Variants in TCF20 observed in about 807,000 individuals in gnomAD.
TCF20 encodes SPRE-binding protein.
TCF20 carries 3 observed loss-of-function variants against 148.6 expected under a neutral mutation model. The observed-to-expected ratio is 0.02, with a 90% CI of 0.01 to 0.05. The LOEUF (loss-of-function observed/expected upper bound fraction) is 0.05, where lower values mean the gene tolerates loss of function less well. Ranked by LOEUF, TCF20 falls within the 10% of genes least tolerant of loss-of-function variation. TCF20 has a pLI of 1.00. For missense variants in TCF20, 2,350 were observed against 2,429.3 expected, an observed-to-expected ratio of 0.97 and a Z score of 0.69; for synonymous variants, 1,049 against 909.5, an observed-to-expected ratio of 1.15 and a Z score of -2.76.
At chr22:42,270,176 C>G (rs1926525614) in intron 1 of TCF20, among the ~76,000 whole-genome samples, 163 bp downstream of exon 1, 1 of 151,944 alleles carries the variant, frequency 6.6e-6, no homozygotes, top group Admixed American at 6.5e-5. Context: ...CAACACTCCC[C>G]TCAGCACCCC....
At position 42,211,448 on chromosome 22, in the gene TCF20, G is replaced by A. The variant is rs372698285; in HGVS notation, c.3858C>T (p.His1286=). 1.2e-6 allele frequency: 2 copies of A among 1,614,066 alleles called. No homozygotes were observed. The highest frequency in any genetic ancestry group is 1.7e-6 in the Non-Finnish European group (2 of 1,180,044). The change falls in exon 2 of 6, where the codon CAC becomes CAT. Residue 1286 remains histidine (H), a synonymous_variant. Transcript: ENST00000677622. The stretch of plus-strand genomic sequence containing the variant: ...CTTTATCAGCGCCTTCTTTTGATGA[G>A]TGAAGGAGGCGACCTTTATCTTCAG... ...SSTEDKGRLL[H]SSKEGADKAF...
rs1035141026 is a variant in TCF20, at chr22:42,208,655, G to A, written c.5655+996C>T. On this transcript the variant is annotated intron_variant, in intron 2 of 5. Coordinates refer to ENST00000677622, the MANE Select transcript of TCF20 (RefSeq NM_001378418.1). ...ACAAAAAAGATTAGATGATAAAGCTGAAGAAAGCATAGAGAAATCAGAACA... is the reference window on the plus strand; with the variant it reads ...ACAAAAAAGATTAGATGATAAAGCTAAAGAAAGCATAGAGAAATCAGAACA... Among the ~76,000 whole-genome samples the A allele has an allele frequency of 2.0e-5, 3 of 152,010 alleles. No individual in the cohort carries two copies. The East Asian group carries it at 5.8e-4, about 29-fold the overall frequency.
intron 1 of TCF20, among the ~76,000 whole-genome samples, chr22:42,224,837 T>G (rs995930989): frequency 1.3e-5 from 2 of 152,104 alleles, no homozygotes; most frequent in Non-Finnish European, 2.9e-5. Flanking sequence ...ACCTGTGCTA[T>G]GATTATAACT....
intron 1 of TCF20, among the ~76,000 whole-genome samples, chr22:42,257,419 GATTA>G (rs1443488043): frequency 1.3e-5 from 2 of 152,170 alleles, no homozygotes; most frequent in African/African-American, 4.8e-5. Context: ...CAAAGACATA[GATTA>G]ATAAGACATG....
At chr22:42,264,039 G>C (rs1926154908) in intron 1 of TCF20, among the ~76,000 whole-genome samples, 1 of 152,156 alleles carries the variant, frequency 6.6e-6, no homozygotes, top group African/African-American at 2.4e-5. Context: ...AGTATGGAAA[G>C]GATGGGAGAA....
chr22:42,340,393 T>G (rs774302605), intron 1 of TCF20, among the ~76,000 whole-genome samples: 1 of 152,186 alleles, frequency 6.6e-6, no homozygotes, highest in African/African-American at 2.4e-5. Context: ...CGCGGTAGCC[T>G]GCACCCAGCA....
chr22:42,176,426 T>C (rs1217514891), intron 3 of TCF20, among the ~76,000 whole-genome samples: 1 of 152,190 alleles, frequency 6.6e-6, no homozygotes, highest in African/African-American at 2.4e-5. Context: ...CTGTTGGCCC[T>C]GCTCTGTGTA....
At chr22:42,319,654 C>T (rs1371075450) in intron 1 of TCF20, among the ~76,000 whole-genome samples, 1 of 152,206 alleles carries the variant, frequency 6.6e-6, no homozygotes, top group Admixed American at 6.5e-5. Context: ...ATTCCTAACC[C>T]CCGATGAGTA....
chr22:42,312,230 A>C (rs1410361126), intron 1 of TCF20, among the ~76,000 whole-genome samples: 1 of 152,180 alleles, frequency 6.6e-6, no homozygotes, highest in African/African-American at 2.4e-5. Context: ...TTACAGCAGC[A>C]AGGACTCTGC....
chr22:42,269,428 A>C (rs574205994), intron 1 of TCF20, among the ~76,000 whole-genome samples: 1 of 152,152 alleles, frequency 6.6e-6, no homozygotes, highest in East Asian at 1.9e-4. Flanking sequence ...CAATAATCCC[A>C]CCCACAAGCA....
Position 42,211,382 on chromosome 22 carries a change from G to T in TCF20, c.3924C>A (p.Ile1308=), listed in dbSNP as rs1050687366. 1 of 1,614,176 alleles carries T rather than the reference G, an allele frequency of 6.2e-7. No homozygotes were observed. Among genetic ancestry groups the T allele is most frequent in the Non-Finnish European group, 8.5e-7 (1 of 1,180,036 alleles). ...AGGAATCTCTCTTAGGGATAGACTTGATATCCTGACTGTGAGAAAGATGGG... is the reference window on the plus strand; with the variant it reads ...AGGAATCTCTCTTAGGGATAGACTTTATATCCTGACTGTGAGAAAGATGGG... The part of the protein sequence containing the change: ...SYAHLSHSQD[I]KSIPKRDSSK... Residue 1308 remains isoleucine, a synonymous_variant, in exon 2 of 6, where the codon ATC becomes ATA. Coordinates refer to ENST00000677622, the MANE Select transcript of TCF20 (RefSeq NM_001378418.1).
chr22:42,288,756 C>A (rs1927080453), upstream of TCF20, among the ~76,000 whole-genome samples: 1 of 145,818 alleles, frequency 6.9e-6, no homozygotes, highest in Non-Finnish European at 1.5e-5. Flanking sequence ...AGACAGAGAG[C>A]AGAGTGTCTG....
chr22:42,191,552 GT>G (rs1937336915), intron 2 of TCF20, among the ~76,000 whole-genome samples: 2 of 152,172 alleles, frequency 1.3e-5, no homozygotes, highest in East Asian at 3.8e-4. Context: ...GCCTCCCAAA[GT>G]GCGGGGATTA....
chr22:42,283,237 G>T (rs1353939476), intron 1 of TCF20, among the ~76,000 whole-genome samples: 1 of 152,124 alleles, frequency 6.6e-6, no homozygotes, highest in Non-Finnish European at 1.5e-5. Context: ...CCTTTGTCCC[G>T]CATCACCACT....
chr22:42,324,131 T>A (rs1601707044), intron 1 of TCF20, among the ~76,000 whole-genome samples: 5 of 122,626 alleles, frequency 4.1e-5, no homozygotes, highest in Admixed American at 7.8e-5. Flanking sequence ...GTTATGGTGG[T>A]GGTGGTGGTG....
chr22:42,227,290 A>G (rs1332478730), intron 1 of TCF20, among the ~76,000 whole-genome samples: 1 of 152,202 alleles, frequency 6.6e-6, no homozygotes, highest in Non-Finnish European at 1.5e-5. Context: ...AAAAAATAGT[A>G]ATTTTAAATT....
At chr22:42,315,943 G>A (rs1927621556) in intron 1 of TCF20, among the ~76,000 whole-genome samples, 1 of 151,544 alleles carries the variant, frequency 6.6e-6, no homozygotes, top group African/African-American at 2.4e-5. Flanking sequence ...GTGAAATCCC[G>A]TCTCTATTAA....
chr22:42,223,949 T>C (rs1283035474), intron 1 of TCF20, among the ~76,000 whole-genome samples: 1 of 152,190 alleles, frequency 6.6e-6, no homozygotes, highest in Non-Finnish European at 1.5e-5. Context: ...GTAATGAAGG[T>C]GCTGGCTTCC....
chr22:42,325,571 C>A (rs1234285934), intron 1 of TCF20, among the ~76,000 whole-genome samples: 1 of 152,244 alleles, frequency 6.6e-6, no homozygotes, highest in African/African-American at 2.4e-5. Context: ...TCATTCAATT[C>A]TGGCCACGTC....
Sources: allele counts gnomAD v4.1 joint callset (sites outside exome capture counted in the v4.1 genomes callset), GRCh38; gene constraint gnomAD v4.1.1; transcripts MANE v1.5; gene names NCBI Gene and HGNC (gene_info 2026-07-23, HGNC 2026-07-21).